The following HEG1 variants were observed in gnomAD, a reference collection of about 807,000 sequenced individuals.
HEG1 encodes heart development protein with EGF like domains 1, also known as protein HEG homolog 1.
Under a neutral mutation model 125.6 loss-of-function variants are expected in HEG1, and 56 were observed. The observed-to-expected ratio is 0.45, with a 90% CI of 0.36 to 0.56. The LOEUF (loss-of-function observed/expected upper bound fraction) is 0.56, where lower values mean the gene tolerates loss of function less well. Ranked by LOEUF, HEG1 falls within the 20% of genes least tolerant of loss-of-function variation. The pLI, the probability that HEG1 is intolerant of heterozygous loss-of-function variation, is 0.00. For synonymous variants in HEG1, 644 were observed against 668.5 expected (o/e 0.96, Z 0.57); for missense variants, 1,523 against 1,670.0 (o/e 0.91, Z 1.53).
chr3:124,993,146 C>T (rs960130021), intron 12 of HEG1, among the ~76,000 whole-genome samples: 3 of 152,132 alleles, frequency 2.0e-5, no homozygotes, highest in Non-Finnish European at 4.4e-5. Flanking sequence ...CCTCAGTGTC[C>T]GGGAACCTCA....
Position 125,013,587 on chromosome 3 carries a change from GGAA to G in HEG1, c.1989_1991del (p.Ser672del), listed in dbSNP as rs374949821. ...CTGAAGAAGAAGAAGAGGAGGAGGA[GGAA>G]GAGGAGGAGGAGGAGTCACTAACAA... On this transcript the variant is annotated inframe_deletion, in exon 6 of 17. Coordinates refer to ENST00000311127, the MANE Select transcript of HEG1 (RefSeq NM_020733.2). 6.3e-7 allele frequency: 1 copy of G among 1,595,430 alleles called. No individual in the cohort carries two copies. Among genetic ancestry groups the G allele is most frequent in the African/African-American group, 1.3e-5 (1 of 74,548 alleles).
chr3:125,046,109 G>C (rs1458757919), intron 1 of HEG1, among the ~76,000 whole-genome samples: 1 of 152,106 alleles, frequency 6.6e-6, no homozygotes, highest in Non-Finnish European at 1.5e-5. Flanking sequence ...GAAAGCAGAA[G>C]GGGTTAAGCA....
intron 14 of HEG1, among the ~76,000 whole-genome samples, chr3:124,988,280 A>G (rs1328746133): frequency 6.6e-6 from 1 of 151,994 alleles, no homozygotes; most frequent in Non-Finnish European, 1.5e-5. Flanking sequence ...CAGCTGAGAA[A>G]CTGGCTTGCC....
intron 3 of HEG1, among the ~76,000 whole-genome samples, chr3:125,021,860 C>T (rs891289209): frequency 4.6e-5 from 7 of 152,232 alleles, no homozygotes; most frequent in African/African-American, 1.7e-4. Flanking sequence ...CATTATCATA[C>T]TTTGCCCCAT....
intron 9 of HEG1, among the ~76,000 whole-genome samples, chr3:125,003,592 G>C (rs935389599): frequency 2.0e-5 from 3 of 152,308 alleles, no homozygotes; most frequent in African/African-American, 7.2e-5. Flanking sequence ...GCTGGGCCAT[G>C]CCAGAGAGTC....
chr3:124,999,381 A>G (rs756707302), intron 11 of HEG1, among the ~76,000 whole-genome samples: 16 of 152,248 alleles, frequency 1.1e-4, no homozygotes, highest in Non-Finnish European at 1.9e-4. Flanking sequence ...ACAATCCCTC[A>G]TCTCAACTCT....
intron 8 of HEG1, among the ~76,000 whole-genome samples, chr3:125,005,725 A>G (rs2107697695): frequency 6.6e-6 from 1 of 152,306 alleles, no homozygotes; most frequent in South Asian, 2.1e-4. Context: ...AGAAAGATGA[A>G]CAGGTCTAAA....
intron 11 of HEG1, among the ~76,000 whole-genome samples, chr3:124,998,514 C>A (rs1223575567): frequency 6.6e-6 from 1 of 152,186 alleles, no homozygotes; most frequent in Non-Finnish European, 1.5e-5. Context: ...GTCTTCAGTG[C>A]CTGGCACAGG....
At chr3:125,019,205 C>T (rs568469118) in intron 5 of HEG1, 57 bp downstream of exon 5, 4 of 1,404,476 alleles carry the variant, frequency 2.8e-6, no homozygotes, top group African/African-American at 1.4e-5. Flanking sequence ...ATTTCATAAG[C>T]ATCATGAGTC....
intron 16 of HEG1, 54 bp from the exon 17 acceptor site, chr3:124,970,855 T>C (rs757104096): frequency 1.1e-5 from 16 of 1,466,424 alleles, no homozygotes; most frequent in African/African-American, 1.4e-5. Flanking sequence ...TGGGTTTAAA[T>C]TGCAGTGTTA....
rs1032105297 is a variant in HEG1, at chr3:125,021,149, T to C, written c.914-19A>G. On this transcript the variant is annotated intron_variant, in intron 3 of 16. Transcript: ENST00000311127. The stretch of plus-strand genomic sequence containing the variant: ...TCAGAAGCTACAATGGAAAAAGATA[T>C]GCTTCAAAATTACTCAGGAGTTTAA... 6 of 1,514,236 alleles carry C rather than the reference T, an allele frequency of 4.0e-6. No individual in the cohort carries two copies. The highest frequency in any genetic ancestry group is 5.3e-6 in the Non-Finnish European group (6 of 1,121,734). 93.8% of individuals were successfully genotyped at this position (1,514,236 alleles called of 1,614,324 possible).
chr3:125,011,402 T>C (rs944865079), intron 6 of HEG1, among the ~76,000 whole-genome samples: 2 of 152,286 alleles, frequency 1.3e-5, no homozygotes, highest in South Asian at 2.1e-4. Context: ...ACAAAAAATA[T>C]AGTAACAGCC....
At chr3:124,989,661 G>A (rs1936796517) in intron 14 of HEG1, among the ~76,000 whole-genome samples, 2 of 152,180 alleles carry the variant, frequency 1.3e-5, no homozygotes, top group African/African-American at 4.8e-5. Flanking sequence ...ACTCTTGGCT[G>A]CTTGGCGTTC....
At chr3:125,014,086 T>G (rs1937206386) in intron 5 of HEG1, 96 bp from the exon 6 acceptor site, 1 of 1,108,290 alleles carries the variant, frequency 9.0e-7, no homozygotes, top group Non-Finnish European at 1.3e-6. Flanking sequence ...TGAAACTCAA[T>G]GAATTCAAGT....
chr3:124,998,873 G>C lies in HEG1; in HGVS notation c.3518-1050C>G, dbSNP rs540616755. Among the ~76,000 whole-genome samples the C allele has an allele frequency of 3.3e-5, 5 of 152,246 alleles. No homozygotes were observed. The South Asian group carries it at 8.3e-4, about 25-fold the overall frequency. On this transcript the variant is annotated intron_variant, in intron 11 of 16. Coordinates refer to ENST00000311127, the MANE Select transcript of HEG1 (RefSeq NM_020733.2). ...CTAGATATTTGCTGTTGTTATTGGG[G>C]GGCAAGCTCAAGTTCAGAATGGGAA...
chr3:125,055,771 G>C lies in HEG1; in HGVS notation c.120C>G (p.Arg40=). The C allele has an allele frequency of 1.0e-6, 1 of 998,852 alleles. No individual in the cohort carries two copies. The highest frequency in any genetic ancestry group is 1.2e-6 in the Non-Finnish European group (1 of 840,310). The allele number at this position is 998,852 out of a possible 1,614,324, so 61.9% of individuals were successfully genotyped here. Reference sequence around the variant, plus strand: ...CCGCGAGGGGCGCCAGGCTCAGCGCGCGGCGAGCCGGGGAAGGCGGCGGGT... The same window carrying C: ...CCGCGAGGGGCGCCAGGCTCAGCGCCCGGCGAGCCGGGGAAGGCGGCGGGT... ...TRDPPPSPAR[R]ALSLAPLAGA... Residue 40 remains arginine, a synonymous_variant, in exon 1 of 17, where the codon CGC becomes CGG. Transcript: ENST00000311127.
At chr3:125,023,972 C>CTGA (rs10628917) in intron 3 of HEG1, among the ~76,000 whole-genome samples, 76,299 of 151,716 alleles carry the variant, frequency 0.5, 19,418 homozygotes, top group Middle Eastern at 0.64. Flanking sequence ...GCTGAAGCAG[C>CTGA]TATTTGAGAA....
At chr3:125,051,370 T>G (rs551979227) in intron 1 of HEG1, among the ~76,000 whole-genome samples, 1 of 152,306 alleles carries the variant, frequency 6.6e-6, no homozygotes, top group South Asian at 2.1e-4. Context: ...GAGAGGATCT[T>G]AGAGATCTAG....
chr3:125,052,722 C>T (rs1467391263), intron 1 of HEG1, among the ~76,000 whole-genome samples: 1 of 152,164 alleles, frequency 6.6e-6, no homozygotes, highest in East Asian at 1.9e-4. Flanking sequence ...GGCTGAAACA[C>T]CAGCAATAAA....
Sources: gnomAD v4.1 joint callset for allele counts (sites outside exome capture counted in the v4.1 genomes callset) on GRCh38, gnomAD v4.1.1 for gene constraint, MANE v1.5 for transcripts, NCBI Gene and HGNC (gene_info 2026-07-23, HGNC 2026-07-21) for gene names.